Variants in ACACA observed in about 807,000 individuals in gnomAD.
ACACA encodes the protein acetyl-CoA carboxylase 1.
ACACA carries 103 observed loss-of-function variants against 296.1 expected under a neutral mutation model. That is an observed-to-expected ratio of 0.35 (90% confidence interval 0.30 to 0.41). The LOEUF (loss-of-function observed/expected upper bound fraction) is 0.41, where lower values mean the gene tolerates loss of function less well. Ranked by LOEUF, ACACA falls within the 10% of genes least tolerant of loss-of-function variation. ACACA has a pLI of 1.00. For synonymous variants in ACACA, 953 were observed against 1,038.6 expected (o/e 0.92, Z 1.58); for missense variants, 1,554 against 2,989.7 (o/e 0.52, Z 11.20).
chr17:37,165,513 C>A (rs1447535651), intron 41 of ACACA, among the ~76,000 whole-genome samples: 1 of 152,132 alleles, frequency 6.6e-6, no homozygotes, highest in Admixed American at 6.5e-5. Context: ...ATATTAACTT[C>A]TACGTAAAAA....
chr17:37,179,475 A>G (rs1160851941), intron 40 of ACACA, 69 bp from the exon 41 acceptor site: 1 of 1,559,600 alleles, frequency 6.4e-7, no homozygotes. Flanking sequence ...AATTATTAAG[A>G]TTCAGTCAAT....
rs1478936401 is a variant in ACACA, at chr17:37,348,166, AAATT to A, written c.39-8320_39-8317del. ...ACTCTGTCTCTCAAAAAAAAAAAAA[AAATT>A]TAAAGTGATGAACAACAGGAGAGAA... On this transcript the variant is annotated intron_variant, in intron 1 of 55. Transcript: ENST00000616317. 2.6e-5 allele frequency among the ~76,000 whole-genome samples: 4 copies of A among 152,128 alleles called. No homozygotes were observed. In the East Asian group the frequency reaches 7.7e-4, roughly 29 times the overall value.
chr17:37,167,902 C>T (rs9652902), intron 41 of ACACA, among the ~76,000 whole-genome samples: 49,641 of 151,942 alleles, frequency 0.33, 9,964 homozygotes, highest in African/African-American at 0.55. Flanking sequence ...AATTGGATAG[C>T]AAGATCACTG....
At chr17:37,259,224 T>C in intron 12 of ACACA, 136 bp downstream of exon 12, 2 of 1,023,130 alleles carry the variant, frequency 2.0e-6, no homozygotes, top group Non-Finnish European at 3.0e-6. Context: ...GCATAACACA[T>C]ACAGGGTGAA....
chr17:37,118,306 T>G (rs1597870160), intron 50 of ACACA, among the ~76,000 whole-genome samples: 3 of 152,190 alleles, frequency 2.0e-5, no homozygotes, highest in East Asian at 3.8e-4. Context: ...AGAGTTTATG[T>G]TGAGGATGAT....
At chr17:37,224,915 A>C in intron 27 of ACACA, 77 bp downstream of exon 27, 3 of 610,664 alleles carry the variant, frequency 4.9e-6, no homozygotes, top group Non-Finnish European at 7.8e-6. Context: ...CTAATTACTT[A>C]AACTATGCTT....
intron 3 of ACACA, chr17:37,328,771 C>T (rs1229574835): frequency 2.5e-6 from 1 of 397,432 alleles, no homozygotes; most frequent in African/African-American, 2.1e-5. Context: ...AACAGCCACC[C>T]TAACTTATGT....
intron 14 of ACACA, among the ~76,000 whole-genome samples, chr17:37,254,315 G>T (rs2081128261): frequency 6.6e-6 from 1 of 152,104 alleles, no homozygotes; most frequent in African/African-American, 2.4e-5. Flanking sequence ...AACTGTGAGA[G>T]GAATCATATT....
intron 49 of ACACA, 139 bp from the exon 50 acceptor site, chr17:37,121,629 C>A: frequency 9.0e-7 from 1 of 1,112,474 alleles, no homozygotes; most frequent in Non-Finnish European, 1.3e-6. Flanking sequence ...TCAAGATCAT[C>A]ATGTTTGGAG....
At chr17:37,160,303 G>A (rs1304313886) in intron 42 of ACACA, among the ~76,000 whole-genome samples, 1 of 152,222 alleles carries the variant, frequency 6.6e-6, no homozygotes, top group Non-Finnish European at 1.5e-5. Context: ...ATGTACAAGA[G>A]GAGGGATTGT....
chr17:37,250,348 T>C (rs2080923980), intron 16 of ACACA, among the ~76,000 whole-genome samples: 2 of 152,164 alleles, frequency 1.3e-5, no homozygotes, highest in Admixed American at 1.3e-4. Context: ...TTCTTAAAGA[T>C]AAAGATTAAG....
At chr17:37,105,630 C>T (rs999988217) in intron 52 of ACACA, among the ~76,000 whole-genome samples, 9 of 151,946 alleles carry the variant, frequency 5.9e-5, no homozygotes, top group African/African-American at 1.9e-4. Context: ...TTTAGGAGGC[C>T]GAGGCGGGCG....
At chr17:37,179,901 C>T (rs7221404) in intron 40 of ACACA, among the ~76,000 whole-genome samples, 71,809 of 152,024 alleles carry the variant, frequency 0.47, 18,974 homozygotes, top group East Asian at 0.75. Context: ...TATAGGACCA[C>T]ACACAGGAAT....
intron 10 of ACACA, among the ~76,000 whole-genome samples, chr17:37,268,745 A>ATC (rs750854724): frequency 2.8e-3 from 321 of 113,010 alleles, no homozygotes; most frequent in African/African-American, 6.2e-3. Flanking sequence ...ATCTATCTAT[A>ATC]TATATATATA....
intron 40 of ACACA, among the ~76,000 whole-genome samples, chr17:37,179,908 G>A (rs1321852582): frequency 3.9e-5 from 6 of 152,106 alleles, no homozygotes; most frequent in Non-Finnish European, 8.8e-5. Context: ...CCACACACAG[G>A]AATTAGCTCA....
chr17:37,239,753 G>A (rs1263242485), intron 24 of ACACA, among the ~76,000 whole-genome samples: 1 of 152,182 alleles, frequency 6.6e-6, no homozygotes, highest in Non-Finnish European at 1.5e-5. Flanking sequence ...TATTTTGTAT[G>A]TTATTGGATG....
intron 1 of ACACA, among the ~76,000 whole-genome samples, chr17:37,359,456 G>T (rs1156903784): frequency 2.0e-5 from 3 of 151,882 alleles, no homozygotes; most frequent in East Asian, 3.9e-4. Context: ...CAGTCGTGGC[G>T]CCCCTGGCCC....
chr17:37,205,835 G>T lies in ACACA; in HGVS notation c.3986C>A (p.Ala1329Asp). Residue 1329 changes from alanine to aspartate, a missense_variant, in exon 33 of 56, where the codon GCT (alanine) becomes GAT (aspartate). By Grantham distance (126) the Ala-to-Asp change is moderately radical. Around this residue, in one of 16 missense-constraint regions of ACACA, gnomAD observed 179 missense variants for 283.2 expected, o/e 0.63. Transcript: ENST00000616317. ...CTCAATATCACAGTCAGTCTTGATA[G>T]CCACATTGAGAATGTGAATTGGTTC... is the stretch of plus-strand genomic sequence containing the variant. ...RDEPIHILNV[A>D]IKTDCDIEDD... The T allele has an allele frequency of 6.2e-7, 1 of 1,613,432 alleles. No individual in the cohort carries two copies. Among genetic ancestry groups the T allele is most frequent in the East Asian group, 2.2e-5 (1 of 44,880 alleles).
intron 2 of ACACA, among the ~76,000 whole-genome samples, chr17:37,335,804 TC>T (rs2147275295): frequency 6.6e-6 from 1 of 152,286 alleles, no homozygotes; most frequent in Non-Finnish European, 1.5e-5. Context: ...GCAGCAGTAG[TC>T]CTTCAAAATC....
Sources: allele counts gnomAD v4.1 joint callset (sites outside exome capture counted in the v4.1 genomes callset), GRCh38; gene constraint gnomAD v4.1.1; regional missense constraint gnomAD v4.1.1; transcripts MANE v1.5; gene names NCBI Gene and HGNC (gene_info 2026-07-23, HGNC 2026-07-21).